RRP15: variants seen among roughly 807,000 people sequenced by gnomAD.
RRP15 encodes ribosomal RNA processing 15 homolog, also known as RRP15-like protein.
In RRP15, 18 loss-of-function variants were observed where a neutral mutation model predicts 27.1. The observed-to-expected ratio is 0.66, with a 90% confidence interval of 0.46 to 0.98. The LOEUF (loss-of-function observed/expected upper bound fraction) is 0.98, where lower values mean the gene tolerates loss of function less well. RRP15 is among the 50% of genes least tolerant of loss of function. The pLI, the probability that RRP15 is intolerant of heterozygous loss-of-function variation, is 0.00. For synonymous variants in RRP15, 107 were observed against 109.4 expected, an observed-to-expected ratio of 0.98 and a Z score of 0.14; for missense variants, 359 against 337.8, an observed-to-expected ratio of 1.06 and a Z score of -0.49.
chr1:218,290,046 GCCT>G (rs1655609827), intron 1 of RRP15, among the ~76,000 whole-genome samples: 2 of 152,122 alleles, frequency 1.3e-5, no homozygotes, highest in African/African-American at 2.4e-5. Flanking sequence ...TGTCATTGCA[GCCT>G]TACTCCCTTC....
chr1:218,322,455 G>A (rs533763654), intron 4 of RRP15, among the ~76,000 whole-genome samples: 1 of 150,862 alleles, frequency 6.6e-6, no homozygotes, highest in East Asian at 1.9e-4. Context: ...TTTTTGGGAC[G>A]ATCTTGGTAG....
At chr1:218,287,067 G>C (rs919302966) in intron 1 of RRP15, among the ~76,000 whole-genome samples, 1 of 149,484 alleles carries the variant, frequency 6.7e-6, no homozygotes, top group African/African-American at 2.5e-5. Context: ...CCCCCAAAGC[G>C]ATCCTCTTGC....
Position 218,285,359 on chromosome 1 carries a change from A to G in RRP15, c.43A>G (p.Asn15Asp). The change falls in exon 1 of 5, where the codon AAC becomes GAC. Residue 15 changes from asparagine to aspartate, a missense_variant. Transcript: ENST00000366932. ...GGACTCACGTGTGAGTGAGGAAGAA[A>G]ACCTGAAAAAGACCCCAAAGAAGAA... ...APDSRVSEEE[N>D]LKKTPKKKMK... is the part of the protein sequence containing the mutation. 1 of 1,614,154 alleles carries G rather than the reference A, an allele frequency of 6.2e-7. No homozygotes were observed. The highest frequency in any genetic ancestry group is 8.5e-7 in the Non-Finnish European group (1 of 1,180,026).
intron 1 of RRP15, among the ~76,000 whole-genome samples, chr1:218,299,987 T>A (rs890579162): frequency 6.6e-5 from 10 of 150,828 alleles, no homozygotes; most frequent in Admixed American, 2.0e-4. Context: ...TTTAGATACC[T>A]TTTTTTTTAG....
At chr1:218,324,037 G>T (rs1351321205) in intron 4 of RRP15, among the ~76,000 whole-genome samples, 3 of 152,194 alleles carry the variant, frequency 2.0e-5, no homozygotes, top group East Asian at 1.9e-4. Flanking sequence ...GCTTCTGCCT[G>T]CTCCCAACTC....
At chr1:218,290,030 T>A (rs375780623) in intron 1 of RRP15, among the ~76,000 whole-genome samples, 1 of 152,206 alleles carries the variant, frequency 6.6e-6, no homozygotes, top group Non-Finnish European at 1.5e-5. Flanking sequence ...ACCTATCTGT[T>A]GGGCCTGTCA....
intron 4 of RRP15, among the ~76,000 whole-genome samples, chr1:218,327,669 T>C (rs1656295386): frequency 6.6e-6 from 1 of 152,214 alleles, no homozygotes; most frequent in African/African-American, 2.4e-5. Flanking sequence ...TTTTAAAATG[T>C]GTTAACAACA....
intron 4 of RRP15, among the ~76,000 whole-genome samples, chr1:218,317,480 G>A (rs1479616199): frequency 1.3e-5 from 2 of 152,190 alleles, no homozygotes; most frequent in East Asian, 1.9e-4. Context: ...GCATAATGAA[G>A]TCTGACACAT....
intron 4 of RRP15, among the ~76,000 whole-genome samples, chr1:218,317,211 T>A (rs1656102857): frequency 6.6e-6 from 1 of 152,254 alleles, no homozygotes; most frequent in Non-Finnish European, 1.5e-5. Context: ...TGACTCGGCA[T>A]CAGCAAGTAA....
intron 1 of RRP15, among the ~76,000 whole-genome samples, chr1:218,300,093 C>A (rs572116580): frequency 8.6e-5 from 13 of 151,862 alleles, no homozygotes; most frequent in Admixed American, 2.0e-4. Context: ...ATTGACCCAG[C>A]GTATAAGATA....
rs372673424 is a variant in RRP15, at chr1:218,307,661, A to G, written c.705+29A>G. On this transcript the variant is annotated intron_variant, in intron 4 of 4. Transcript: ENST00000366932. ...AAAACTTTTCTATAGGATTCAGTGTATCAGACTTTCAGCTCTAAAACTAGT... is the reference window on the plus strand; with the variant it reads ...AAAACTTTTCTATAGGATTCAGTGTGTCAGACTTTCAGCTCTAAAACTAGT... 4.0e-6 allele frequency: 6 copies of G among 1,491,302 alleles called. No homozygotes were observed. The African/African-American group carries it at 5.6e-5, about 14-fold the overall frequency. 92.4% of individuals were successfully genotyped at this position (1,491,302 alleles called of 1,614,324 possible). A position where few individuals can be genotyped will look rare whatever the true frequency, so the allele number is the denominator to read the frequency against.
At chr1:218,328,713 C>T (rs904846673) in intron 4 of RRP15, among the ~76,000 whole-genome samples, 1 of 151,902 alleles carries the variant, frequency 6.6e-6, no homozygotes, top group Non-Finnish European at 1.5e-5. Context: ...CTTCGTTCTT[C>T]TGTTGCCTGC....
intron 2 of RRP15, 200 bp downstream of exon 2, chr1:218,302,759 A>G: frequency 1.4e-6 from 1 of 721,852 alleles, no homozygotes. Context: ...TTAATCATCT[A>G]TGCAAAGGCA....
intron 4 of RRP15, among the ~76,000 whole-genome samples, chr1:218,312,218 G>A (rs889289452): frequency 1.2e-4 from 18 of 151,696 alleles, no homozygotes; most frequent in African/African-American, 3.6e-4. Flanking sequence ...GAACATAGAT[G>A]TCCATGTTGG....
chr1:218,293,915 A>G (rs1048242302), intron 1 of RRP15, among the ~76,000 whole-genome samples: 3 of 152,124 alleles, frequency 2.0e-5, no homozygotes, highest in Non-Finnish European at 4.4e-5. Context: ...TTCTCTTAAC[A>G]TGATTTTTTT....
chr1:218,312,297 A>G (rs1230302277), intron 4 of RRP15, among the ~76,000 whole-genome samples: 1 of 131,444 alleles, frequency 7.6e-6, no homozygotes, highest in Non-Finnish European at 1.6e-5. Flanking sequence ...TTTTTTTTTT[A>G]GCCATTGAGC....
chr1:218,311,837 G>T (rs528451617), intron 4 of RRP15, among the ~76,000 whole-genome samples: 1 of 152,316 alleles, frequency 6.6e-6, no homozygotes, highest in African/African-American at 2.4e-5. Context: ...TTTGGAAAAG[G>T]GTTTTTGCAG....
intron 4 of RRP15, among the ~76,000 whole-genome samples, chr1:218,314,042 A>G (rs146106348): frequency 0.014 from 2,178 of 151,180 alleles, 53 homozygotes; most frequent in African/African-American, 0.049. Context: ...TTTTAAAGAG[A>G]TGGAATCTTG....
chr1:218,307,922 A>G (rs1023327366), intron 4 of RRP15, among the ~76,000 whole-genome samples: 5 of 152,116 alleles, frequency 3.3e-5, no homozygotes, highest in Non-Finnish European at 7.4e-5. Flanking sequence ...AGAGAGTTTT[A>G]GGAAATAATG....
Sources: gnomAD v4.1 joint callset for allele counts (sites outside exome capture counted in the v4.1 genomes callset) on GRCh38, gnomAD v4.1.1 for gene constraint, MANE v1.5 for transcripts, NCBI Gene and HGNC (gene_info 2026-07-23, HGNC 2026-07-21) for gene names.